Variants in FOXO1 observed in about 807,000 individuals in gnomAD.
FOXO1 encodes forkhead box protein O1.
In FOXO1, 6 loss-of-function variants were observed where a neutral mutation model predicts 44.1. The ratio of observed to expected loss-of-function variants is 0.14; its 90% confidence interval spans 0.07 to 0.27. The LOEUF is 0.27. FOXO1 is among the 10% of genes least tolerant of loss of function. The pLI is 1.00. For missense variants in FOXO1, 737 were observed against 888.8 expected (o/e 0.83, Z 2.17); for synonymous variants, 380 against 362.7 (o/e 1.05, Z -0.54).
At chr13:40,563,506 G>A (rs924159356) in intron 1 of FOXO1, among the ~76,000 whole-genome samples, 3 of 152,106 alleles carry the variant, frequency 2.0e-5, no homozygotes, top group Non-Finnish European at 4.4e-5. Flanking sequence ...GTGTGAGAGC[G>A]GGGAAGACAC....
In FOXO1 at chr13:40,642,725, C is replaced by T. The variant is rs574654432; in HGVS notation, c.630+22858G>A. ...CCTGAGCTCAGGAGTTCGAAACCAG[C>T]CTGGGCAACATGGCAAAACACCGTC... On this transcript the variant is annotated intron_variant, in intron 1 of 2. Transcript: ENST00000379561. 2.6e-5 allele frequency among the ~76,000 whole-genome samples: 4 copies of T among 152,118 alleles called. No individual in the cohort carries two copies. The East Asian group carries it at 7.7e-4, about 29-fold the overall frequency.
intron 1 of FOXO1, among the ~76,000 whole-genome samples, chr13:40,579,526 G>A (rs940939661): frequency 6.6e-6 from 1 of 152,034 alleles, no homozygotes; most frequent in African/African-American, 2.4e-5. Flanking sequence ...AGACAAGCAA[G>A]GTATAGGAAG....
At chr13:40,582,255 T>C (rs904077631) in intron 1 of FOXO1, among the ~76,000 whole-genome samples, 4 of 152,246 alleles carry the variant, frequency 2.6e-5, no homozygotes, top group African/African-American at 9.7e-5. Flanking sequence ...AATTAAAAAC[T>C]TTTATTGTTA....
At chr13:40,562,927 A>C (rs1371156305) in intron 1 of FOXO1, among the ~76,000 whole-genome samples, 1 of 152,226 alleles carries the variant, frequency 6.6e-6, no homozygotes, top group Non-Finnish European at 1.5e-5. Context: ...AGCACAGTAC[A>C]GGGCACACAG....
intron 1 of FOXO1, among the ~76,000 whole-genome samples, chr13:40,653,258 C>G (rs761848897): frequency 1.1e-4 from 17 of 152,240 alleles, no homozygotes; most frequent in Non-Finnish European, 2.2e-4. Context: ...CGAGCCACCA[C>G]GCCCAGCCTC....
intron 1 of FOXO1, among the ~76,000 whole-genome samples, chr13:40,651,092 T>TG (rs2137933351): frequency 1.3e-5 from 2 of 150,646 alleles, no homozygotes; most frequent in African/African-American, 4.9e-5. Flanking sequence ...TGGTTTTTTG[T>TG]TTTTTGTTTT....
At chr13:40,587,115 A>G (rs1875195153) in intron 1 of FOXO1, among the ~76,000 whole-genome samples, 1 of 152,040 alleles carries the variant, frequency 6.6e-6, no homozygotes, top group Non-Finnish European at 1.5e-5. Context: ...TCAAACTGGG[A>G]CTCCAAGAAT....
chr13:40,665,832 C>A lies in FOXO1; in HGVS notation c.381G>T (p.Pro127=). ...GCGGGTGCTGCGACAGCGGCCCGGG[C>A]GGCGGGGGCTGCGGTGGCGCTGGGT... ...CLHPAPPQPP[P]PGPLSQHPPV... is the part of the protein sequence containing the mutation. Residue 127 remains proline (P), a synonymous_variant, in exon 1 of 3, where the codon CCG becomes CCT. Coordinates refer to ENST00000379561, the MANE Select transcript of FOXO1 (RefSeq NM_002015.4). 1 of 1,161,618 alleles carries A rather than the reference C, an allele frequency of 8.6e-7. No homozygotes were observed. Among genetic ancestry groups the A allele is most frequent in the Non-Finnish European group, 1.1e-6 (1 of 941,426 alleles). 72.0% of individuals were successfully genotyped at this position (1,161,618 alleles called of 1,614,324 possible). A position where few individuals can be genotyped will look rare whatever the true frequency, so the allele number is the denominator to read the frequency against.
In FOXO1 at chr13:40,599,257, G is replaced by T. The variant is rs1209191635; in HGVS notation, c.631-38397C>A. Among the ~76,000 whole-genome samples, 7 of 150,626 alleles carry T rather than the reference G, an allele frequency of 4.6e-5. No homozygotes were observed. In the East Asian group the frequency reaches 9.7e-4, roughly 21 times the overall value. ...CTTCCAAGGTCTGTTTGCAGAGTTA[G>T]TCTTGTCAGGGAAGAATTTATCTAC... On this transcript the variant is annotated intron_variant, in intron 1 of 2. Transcript: ENST00000379561.
At chr13:40,658,783 G>A (rs2137941990) in intron 1 of FOXO1, among the ~76,000 whole-genome samples, 1 of 152,268 alleles carries the variant, frequency 6.6e-6, no homozygotes, top group South Asian at 2.1e-4. Flanking sequence ...GCCGAGGCGG[G>A]TGGATCACAA....
chr13:40,634,656 A>G (rs1007090159), intron 1 of FOXO1, among the ~76,000 whole-genome samples: 7 of 152,148 alleles, frequency 4.6e-5, no homozygotes, highest in Non-Finnish European at 8.8e-5. Context: ...ACAACAAAAA[A>G]AGAAAGCAAC....
chr13:40,559,004 TCAGA>T lies in FOXO1; in HGVS notation c.*41_*44del. The T allele has an allele frequency of 2.5e-6, 1 of 398,410 alleles. No individual in the cohort carries two copies. Among genetic ancestry groups the T allele is most frequent in the Non-Finnish European group, 4.4e-6 (1 of 225,896 alleles). The allele number at this position is 398,410 out of a possible 1,614,324, so 24.7% of individuals were successfully genotyped here. On this transcript the variant is annotated 3_prime_UTR_variant, in exon 3 of 3. Coordinates refer to ENST00000379561, the MANE Select transcript of FOXO1 (RefSeq NM_002015.4). ...GGACTGCTTCTCTCAGTTCCTGCTG[TCAGA>T]CAATCTGAAGTACTTTTAAGTGTAA...
At chr13:40,604,581 A>T (rs981214414) in intron 1 of FOXO1, among the ~76,000 whole-genome samples, 1 of 152,188 alleles carries the variant, frequency 6.6e-6, no homozygotes, top group African/African-American at 2.4e-5. Flanking sequence ...ACATACACAT[A>T]ATCTATACTA....
chr13:40,604,027 A>AG (rs1875907970), intron 1 of FOXO1, among the ~76,000 whole-genome samples: 1 of 152,184 alleles, frequency 6.6e-6, no homozygotes, highest in Non-Finnish European at 1.5e-5. Context: ...CAGGTGAGAA[A>AG]GCTGGAGCAG....
Position 40,559,651 on chromosome 13 carries a change from T to G in FOXO1, c.1840A>C (p.Met614Leu). 1 of 1,614,224 alleles carries G rather than the reference T, an allele frequency of 6.2e-7. No homozygotes were observed. The highest frequency in any genetic ancestry group is 8.5e-7 in the Non-Finnish European group (1 of 1,180,022). ...GMFIERLDCD[M>L]ESIIRNDLMD... ...AGGTCATTCCGAATGATGGATTCCA[T>G]GTCACAGTCTAAGCGCTCAATGAAC... Residue 614 changes from methionine (M) to leucine (L), a missense_variant, in exon 2 of 3, where the codon ATG (methionine) becomes CTG (leucine). Transcript: ENST00000379561.
chr13:40,578,471 C>A (rs926597501), intron 1 of FOXO1, among the ~76,000 whole-genome samples: 2 of 152,134 alleles, frequency 1.3e-5, no homozygotes, highest in African/African-American at 4.8e-5. Flanking sequence ...ACTCCACCTT[C>A]GGGACAGTCT....
chr13:40,665,453 T>G, intron 1 of FOXO1, 130 bp downstream of exon 1: 2 of 802,272 alleles, frequency 2.5e-6, no homozygotes, highest in Non-Finnish European at 3.4e-6. Flanking sequence ...CGACCACCGC[T>G]TCTCGCCCGC....
At chr13:40,617,517 C>G (rs1376307598) in intron 1 of FOXO1, among the ~76,000 whole-genome samples, 1 of 151,836 alleles carries the variant, frequency 6.6e-6, no homozygotes, top group African/African-American at 2.4e-5. Flanking sequence ...ATATCAGAAC[C>G]CACATTCTTG....
In FOXO1 at chr13:40,560,601, G is replaced by A. The variant is rs759003724; in HGVS notation, c.890C>T (p.Ala297Val). The stretch of plus-strand genomic sequence containing the variant: ...ATCATTGCTGTGAGAGCCAGGGCTT[G>A]CAGGCCATTTGGAAAACTGTGATCC... ...SPGSQFSKWP[A>V]SPGSHSNDDF... The change falls in exon 2 of 3, where the codon GCA becomes GTA. Residue 297 changes from alanine to valine, a missense_variant. Coordinates refer to ENST00000379561, the MANE Select transcript of FOXO1 (RefSeq NM_002015.4). The surrounding 1 kb of genome is among the most constrained non-coding windows in gnomAD (Gnocchi z 5.1). 1 of 1,614,196 alleles carries A rather than the reference G, an allele frequency of 6.2e-7. No individual in the cohort carries two copies. The highest frequency in any genetic ancestry group is 2.2e-5 in the East Asian group (1 of 44,878).
Sources: allele counts gnomAD v4.1 joint callset (sites outside exome capture counted in the v4.1 genomes callset), GRCh38; gene constraint gnomAD v4.1.1; non-coding constraint Gnocchi (gnomAD v3.1); transcripts MANE v1.5; gene names NCBI Gene and HGNC (gene_info 2026-07-23, HGNC 2026-07-21).